DHTKD1: variants seen among roughly 807,000 people sequenced by gnomAD.
DHTKD1 encodes the protein dehydrogenase E1 and transketolase domain containing 1, also known as 2-oxoadipate dehydrogenase complex component E1.
DHTKD1 carries 78 observed loss-of-function variants against 101.8 expected under a neutral mutation model. The ratio of observed to expected loss-of-function variants is 0.77; its 90% CI spans 0.64 to 0.93. The LOEUF (loss-of-function observed/expected upper bound fraction) is 0.93, where lower values mean the gene tolerates loss of function less well. Among genes scored for constraint, DHTKD1 ranks in the 40% least tolerant of loss-of-function variants. The pLI, the probability that DHTKD1 is intolerant of heterozygous loss-of-function variation, is 0.00. For synonymous variants in DHTKD1, 462 were observed against 450.3 expected, an observed-to-expected ratio of 1.03 and a Z score of -0.33; for missense variants, 1,223 against 1,161.7, an observed-to-expected ratio of 1.05 and a Z score of -0.77.
rs1833541250 is a variant in DHTKD1 at position 12,122,450 on chromosome 10, T to C, written c.*1562T>C. On this transcript the variant is annotated 3_prime_UTR_variant, in exon 17 of 17. Coordinates refer to ENST00000263035, the MANE Select transcript of DHTKD1 (RefSeq NM_018706.7). Reference sequence around the variant, plus strand: ...TGACAAAACATAGTGAAACCCCGTCTCTACTAAAAATACAAAAATTAGCTG... The same window carrying C: ...TGACAAAACATAGTGAAACCCCGTCCCTACTAAAAATACAAAAATTAGCTG... The C allele has an allele frequency of 6.6e-6, 1 of 152,192 alleles. No homozygotes were observed. Among genetic ancestry groups the C allele is most frequent in the Admixed American group, 6.6e-5 (1 of 15,266 alleles). The allele number at this position is 152,192 out of a possible 1,614,324, so 9.4% of individuals were successfully genotyped here.
intron 8 of DHTKD1, among the ~76,000 whole-genome samples, chr10:12,098,727 G>C (rs956921649): frequency 1.3e-5 from 2 of 152,060 alleles, no homozygotes; most frequent in Non-Finnish European, 1.5e-5. Context: ...ACCATGCCCA[G>C]CTAATTTTTG....
At chr10:12,109,128 C>A (rs1833290349) in intron 12 of DHTKD1, among the ~76,000 whole-genome samples, 1 of 151,988 alleles carries the variant, frequency 6.6e-6, no homozygotes, top group Non-Finnish European at 1.5e-5. Flanking sequence ...GCCTGGACAA[C>A]AAAGACTCTG....
At chr10:12,085,687 A>G (rs1331051085) in intron 3 of DHTKD1, among the ~76,000 whole-genome samples, 1 of 152,120 alleles carries the variant, frequency 6.6e-6, no homozygotes, top group Non-Finnish European at 1.5e-5. Context: ...GATACCAGCC[A>G]GGCCAACATG....
chr10:12,080,846 C>T (rs527490929), intron 1 of DHTKD1, among the ~76,000 whole-genome samples: 12 of 151,920 alleles, frequency 7.9e-5, no homozygotes, highest in Non-Finnish European at 1.5e-4. Flanking sequence ...ATGAGTGAAT[C>T]GCTTGAGCTC....
intron 1 of DHTKD1, among the ~76,000 whole-genome samples, chr10:12,075,943 CAA>C (rs60158039): frequency 4.5e-5 from 6 of 132,760 alleles, no homozygotes; most frequent in Non-Finnish European, 8.1e-5. Context: ...GACTCTGTCT[CAA>C]AAAAAAAAAA....
At position 12,087,337 on chromosome 10, in the gene DHTKD1, C is replaced by T. The variant is rs1832917766; in HGVS notation, c.523-198C>T. Among the ~76,000 whole-genome samples, 2 of 152,060 alleles carry T rather than the reference C, an allele frequency of 1.3e-5. No individual in the cohort carries two copies. Among genetic ancestry groups the T allele is most frequent in the Admixed American group, 6.6e-5 (1 of 15,236 alleles). On this transcript the variant is annotated intron_variant, in intron 3 of 16. Coordinates refer to ENST00000263035, the MANE Select transcript of DHTKD1 (RefSeq NM_018706.7). This position sits in a 1 kb window ranked among gnomAD's most constrained non-coding sequence, Gnocchi z 5.2. Reference sequence around the variant, plus strand: ...CCGCTCAGGTTATTCTCCTCAGCCCCTCCTACTGTCCCGGATCCTAGGAAA... The same window carrying T: ...CCGCTCAGGTTATTCTCCTCAGCCCTTCCTACTGTCCCGGATCCTAGGAAA...
At chr10:12,102,586 C>A (rs189814207) in intron 10 of DHTKD1, among the ~76,000 whole-genome samples, 1 of 152,116 alleles carries the variant, frequency 6.6e-6, no homozygotes, top group South Asian at 2.1e-4. Flanking sequence ...ATTCCCCTAC[C>A]TCAGATGAGG....
Position 12,068,979 on chromosome 10 carries a change from G to A in DHTKD1, c.-55G>A, listed in dbSNP as rs959566404. Reference sequence around the variant, plus strand: ...GACGAGTCCCGGATTTACCAGGGCCGGTGGGATCCCCTCGGGCTCCCGCCT... The same window carrying A: ...GACGAGTCCCGGATTTACCAGGGCCAGTGGGATCCCCTCGGGCTCCCGCCT... On this transcript the variant is annotated 5_prime_UTR_variant, in exon 1 of 17. Transcript: ENST00000263035. The A allele has an allele frequency of 3.1e-6, 5 of 1,602,796 alleles. 1 individual carries two copies. The South Asian group carries it at 3.3e-5, about 11-fold the overall frequency.
In DHTKD1 at chr10:12,107,974, G is replaced by A. The variant is rs549128233; in HGVS notation, c.2113G>A (p.Gly705Arg). The A allele has an allele frequency of 1.3e-5, 21 of 1,613,928 alleles. No individual in the cohort carries two copies. In the South Asian group the frequency reaches 2.0e-4, roughly 15 times the overall value. Residue 705 changes from glycine (G) to arginine (R), a missense_variant, in exon 12 of 17, where the codon GGG becomes AGG. Transcript: ENST00000263035. This position sits in a 1 kb window ranked among gnomAD's most constrained non-coding sequence, Gnocchi z 4.1. ...ILLPHGYDGA[G>R]PDHSSCRIER... Reference sequence around the variant, plus strand: ...CCTTCCACATGGCTACGATGGGGCTGGGCCAGACCACTCATCCTGTCGAAT... The same window carrying A: ...CCTTCCACATGGCTACGATGGGGCTAGGCCAGACCACTCATCCTGTCGAAT...
chr10:12,100,534 A>T (rs912252535), intron 9 of DHTKD1, among the ~76,000 whole-genome samples: 1 of 151,924 alleles, frequency 6.6e-6, no homozygotes, highest in Non-Finnish European at 1.5e-5. Flanking sequence ...AAGTGCTAGG[A>T]TTATGGGCGT....
chr10:12,084,786 C>T, intron 3 of DHTKD1, 35 bp downstream of exon 3: 1 of 1,597,934 alleles, frequency 6.3e-7, no homozygotes, highest in East Asian at 2.2e-5. Context: ...CACGGTGGCT[C>T]ATGCCTGTAA....
chr10:12,094,560 C>T (rs1833040465), intron 7 of DHTKD1, among the ~76,000 whole-genome samples: 1 of 152,128 alleles, frequency 6.6e-6, no homozygotes, highest in Admixed American at 6.6e-5. Context: ...TGATGTCAAA[C>T]TCCTGACCTC....
At chr10:12,093,411 T>G (rs890700840) in intron 6 of DHTKD1, among the ~76,000 whole-genome samples, 9 of 152,354 alleles carry the variant, frequency 5.9e-5, no homozygotes, top group African/African-American at 2.2e-4. Context: ...GTCTTGAACC[T>G]CTGGTCTTGT....
intron 4 of DHTKD1, among the ~76,000 whole-genome samples, chr10:12,088,312 A>G (rs1014312243): frequency 6.6e-6 from 1 of 151,898 alleles, no homozygotes; most frequent in Non-Finnish European, 1.5e-5. Context: ...ATTAGGTGGC[A>G]TGGTCTCTAC....
At chr10:12,095,314 C>G (rs570569828) in intron 7 of DHTKD1, among the ~76,000 whole-genome samples, 2 of 152,206 alleles carry the variant, frequency 1.3e-5, no homozygotes, top group East Asian at 3.9e-4. Flanking sequence ...AATATAAACC[C>G]AAAATAATAT....
Position 12,101,075 on chromosome 10 carries a change from G to C in DHTKD1, c.1790G>C (p.Gly597Ala). The change falls in exon 10 of 17, where the codon GGT becomes GCT. Residue 597 changes from glycine to alanine, a missense_variant. Gly to Ala is a moderately conservative substitution (Grantham distance 60). Transcript: ENST00000263035. ...FNVRLSGQDVGRGTFSQRHAI... is the reference protein window; with the variant it reads ...FNVRLSGQDVARGTFSQRHAI... Reference sequence around the variant, plus strand: ...GTTCGTCTAAGTGGCCAAGATGTTGGTCGTGGAACTTTCAGTCAGAGGCAT... The same window carrying C: ...GTTCGTCTAAGTGGCCAAGATGTTGCTCGTGGAACTTTCAGTCAGAGGCAT... The C allele has an allele frequency of 6.2e-7, 1 of 1,614,076 alleles. No individual in the cohort carries two copies.
At position 12,110,956 on chromosome 10, in the gene DHTKD1, G is replaced by A. The variant is rs1196896649; in HGVS notation, c.2155-1944G>A. Among the ~76,000 whole-genome samples, 4 of 151,276 alleles carry A rather than the reference G, an allele frequency of 2.6e-5. No individual in the cohort carries two copies. The highest frequency in any genetic ancestry group is 4.4e-5 in the Non-Finnish European group (3 of 67,906). ...CACTACTTGGGAGGCTGAGGTGGGA[G>A]GATCACTTGAGCCTGGGAGGCGGAG... On this transcript the variant is annotated intron_variant, in intron 12 of 16. Coordinates refer to ENST00000263035, the MANE Select transcript of DHTKD1 (RefSeq NM_018706.7). The surrounding 1 kb of genome is among the most constrained non-coding windows in gnomAD (Gnocchi z 4.9).
At position 12,087,530 on chromosome 10, in the gene DHTKD1, T is replaced by G; in HGVS notation, c.523-5T>G. On this transcript the variant is annotated splice_polypyrimidine_tract_variant and splice_region_variant and intron_variant, in intron 3 of 16. Transcript: ENST00000263035. The surrounding 1 kb of genome is among the most constrained non-coding windows in gnomAD (Gnocchi z 5.2). ...GCAGCTCACGTCTGACATGATGTTC[T>G]GCAGGAGTTTGACCACTTTCTGGCC... 1 of 1,587,244 alleles carries G rather than the reference T, an allele frequency of 6.3e-7. No homozygotes were observed. The highest frequency in any genetic ancestry group is 1.3e-5 in the African/African-American group (1 of 74,504).
intron 2 of DHTKD1, among the ~76,000 whole-genome samples, chr10:12,083,631 G>C (rs908608487): frequency 2.6e-5 from 4 of 151,950 alleles, no homozygotes; most frequent in Non-Finnish European, 4.4e-5. Context: ...CTACTCGGGA[G>C]GCTGAGGCAG....
Sources: allele counts gnomAD v4.1 joint callset (sites outside exome capture counted in the v4.1 genomes callset), GRCh38; gene constraint gnomAD v4.1.1; non-coding constraint Gnocchi (gnomAD v3.1); transcripts MANE v1.5; gene names NCBI Gene and HGNC (gene_info 2026-07-23, HGNC 2026-07-21).